The following GMPS variants were observed in gnomAD, a reference collection of about 807,000 sequenced individuals.
The protein encoded by GMPS is GMP synthase [glutamine-hydrolyzing].
A neutral mutation model predicts 77.9 loss-of-function variants in GMPS; 15 were observed. The ratio of observed to expected loss-of-function variants is 0.19; its 90% CI spans 0.13 to 0.30. The LOEUF is 0.30. Ranked by LOEUF, GMPS falls within the 10% of genes least tolerant of loss-of-function variation. The probability of loss-of-function intolerance (pLI) is 1.00; values close to 1 mark genes in which losing one functional copy is unlikely to be tolerated. For synonymous variants in GMPS, 224 were observed against 275.9 expected, an observed-to-expected ratio of 0.81 and a Z score of 1.86; for missense variants, 590 against 838.8, an observed-to-expected ratio of 0.70 and a Z score of 3.66.
intron 5 of GMPS, among the ~76,000 whole-genome samples, chr3:155,908,293 G>A (rs1560044900): frequency 2.0e-5 from 3 of 152,236 alleles, no homozygotes; most frequent in Admixed American, 1.3e-4. Flanking sequence ...ACCCTTTGCA[G>A]GAGGGAGGAG....
rs1052225116 is a variant in GMPS at position 155,916,168 on chromosome 3, G to T, written c.1188G>T (p.Glu396Asp). ...ELIKTHHNDT[E>D]LIRKLREEGK... is the part of the protein sequence containing the mutation. ...TCAAAACCCATCACAATGACACAGA[G>T]CTCATCAGAAAGTTGAGAGAGGAGG... Residue 396 changes from glutamate to aspartate, a missense_variant, in exon 9 of 16, where the codon GAG becomes GAT. This residue lies in a region of GMPS where 64 missense variants were observed against 114.5 expected (regional missense o/e 0.56). Coordinates refer to ENST00000496455, the MANE Select transcript of GMPS (RefSeq NM_003875.3). The T allele has an allele frequency of 7.5e-6, 12 of 1,610,528 alleles. No homozygotes were observed. Among genetic ancestry groups the T allele is most frequent in the Non-Finnish European group, 1.0e-5 (12 of 1,178,858 alleles).
chr3:155,906,356 C>G lies in GMPS; in HGVS notation c.526+93C>G, dbSNP rs1754881982. The G allele has an allele frequency of 8.2e-6, 5 of 610,448 alleles. No individual in the cohort carries two copies. The Admixed American group carries it at 1.2e-4, about 14-fold the overall frequency. 37.8% of individuals were successfully genotyped at this position (610,448 alleles called of 1,614,324 possible). A position where few individuals can be genotyped will look rare whatever the true frequency, so the allele number is the denominator to read the frequency against. ...TGTATGAGGTACTCTTTGATTTTTC[C>G]TTTTTCTTCTGATTTTTCTTCTCTT... is the stretch of plus-strand genomic sequence containing the variant. On this transcript the variant is annotated intron_variant, in intron 5 of 15. Coordinates refer to ENST00000496455, the MANE Select transcript of GMPS (RefSeq NM_003875.3).
chr3:155,899,443 T>G (rs1196526339), intron 3 of GMPS, among the ~76,000 whole-genome samples: 2 of 151,648 alleles, frequency 1.3e-5, no homozygotes, highest in South Asian at 2.1e-4. Context: ...TTTTTTTTTT[T>G]TCAATTACTT....
At chr3:155,929,684 A>C (rs1156806874) in intron 12 of GMPS, among the ~76,000 whole-genome samples, 1 of 126,496 alleles carries the variant, frequency 7.9e-6, no homozygotes, top group South Asian at 3.3e-4. Flanking sequence ...TACAAAATCA[A>C]TGTACAAAAA....
intron 1 of GMPS, among the ~76,000 whole-genome samples, chr3:155,882,985 T>C (rs1754245656): frequency 6.6e-6 from 1 of 152,218 alleles, no homozygotes; most frequent in African/African-American, 2.4e-5. Context: ...GTTTATGAAG[T>C]ACAGAAACAT....
chr3:155,932,724 G>A (rs940563605), intron 13 of GMPS, among the ~76,000 whole-genome samples: 1 of 152,138 alleles, frequency 6.6e-6, no homozygotes, highest in South Asian at 2.1e-4. Context: ...GAAATCAGAA[G>A]CTTACCTTTT....
chr3:155,870,769 G>T lies in GMPS; in HGVS notation c.-102G>T. On this transcript the variant is annotated 5_prime_UTR_variant, in exon 1 of 16. In the 5' UTR this introduces an upstream ATG that the reference lacks. Transcript: ENST00000496455. The stretch of plus-strand genomic sequence containing the variant: ...TCCGCTGCCGGCTGCTCCTCGACCA[G>T]GCCTCCTTCTCAACCTCAGCCCGCG... 1.3e-6 allele frequency: 1 copy of T among 753,610 alleles called. No homozygotes were observed. The highest frequency in any genetic ancestry group is 2.2e-6 in the Non-Finnish European group (1 of 459,350). 46.7% of individuals were successfully genotyped at this position (753,610 alleles called of 1,614,324 possible). A position where few individuals can be genotyped will look rare whatever the true frequency, so the allele number is the denominator to read the frequency against.
intron 4 of GMPS, among the ~76,000 whole-genome samples, chr3:155,905,234 A>G (rs377525852): frequency 1.5e-4 from 23 of 151,980 alleles, no homozygotes; most frequent in African/African-American, 5.1e-4. Context: ...TGAACTCCCG[A>G]TCTCAGGTGA....
At chr3:155,911,301 G>A in intron 7 of GMPS, 22 bp downstream of exon 7, 2 of 1,535,428 alleles carry the variant, frequency 1.3e-6, no homozygotes, top group Admixed American at 4.0e-5. Flanking sequence ...CCTCAGAAAA[G>A]TTAACTTACA....
chr3:155,941,692 G>A lies in GMPS; in HGVS notation c.*4000G>A, dbSNP rs1755896550. ...ATGGGGAACTGAATACAAGTTGGAT[G>A]TCTCCACCCTTGGAAAGCACATCTT... is the stretch of plus-strand genomic sequence containing the variant. On this transcript the variant is annotated 3_prime_UTR_variant, in exon 16 of 16. Transcript: ENST00000496455. 1 of 222,986 alleles carries A rather than the reference G, an allele frequency of 4.5e-6. No individual in the cohort carries two copies. Among genetic ancestry groups the A allele is most frequent in the Non-Finnish European group, 9.0e-6 (1 of 111,676 alleles). 13.8% of individuals were successfully genotyped at this position (222,986 alleles called of 1,614,324 possible). A position where few individuals can be genotyped will look rare whatever the true frequency, so the allele number is the denominator to read the frequency against.
chr3:155,901,862 CTA>C lies in GMPS; in HGVS notation c.325-1993_325-1992del, dbSNP rs1553785391. Among the ~76,000 whole-genome samples the C allele has an allele frequency of 3.3e-5, 5 of 152,154 alleles. No homozygotes were observed. The South Asian group carries it at 6.2e-4, about 19-fold the overall frequency. On this transcript the variant is annotated intron_variant, in intron 3 of 15. Transcript: ENST00000496455. ...ATTCTGGATACTAAACTTTTCCCAACTATATATATTGCAGATACCTTCTGGAT... is the reference window on the plus strand; with the variant it reads ...ATTCTGGATACTAAACTTTTCCCAACTATATATTGCAGATACCTTCTGGAT...
intron 12 of GMPS, among the ~76,000 whole-genome samples, chr3:155,931,025 C>T (rs1188131870): frequency 6.6e-6 from 1 of 151,908 alleles, no homozygotes; most frequent in African/African-American, 2.4e-5. Flanking sequence ...AGGGTGTTGC[C>T]ATGTTGTCCA....
rs1348478178 is a variant in GMPS at position 155,942,790 on chromosome 3, G to T, written c.*5098G>T. On this transcript the variant is annotated 3_prime_UTR_variant, in exon 16 of 16. Transcript: ENST00000496455. Reference sequence around the variant, plus strand: ...ACCGCTCCAATTCTGACTCTAGCTAGGTCATGAAACAGACTGAGCTATTAT... The same window carrying T: ...ACCGCTCCAATTCTGACTCTAGCTATGTCATGAAACAGACTGAGCTATTAT... The T allele has an allele frequency of 2.3e-5, 5 of 221,934 alleles. No homozygotes were observed. Among genetic ancestry groups the T allele is most frequent in the Non-Finnish European group, 3.6e-5 (4 of 111,176 alleles). 13.7% of individuals were successfully genotyped at this position (221,934 alleles called of 1,614,324 possible).
chr3:155,933,235 G>T (rs73012911), intron 13 of GMPS, among the ~76,000 whole-genome samples: 1,659 of 152,146 alleles, frequency 0.011, 41 homozygotes, highest in African/African-American at 0.038. Flanking sequence ...GTGAACTTTA[G>T]ATTTATTTGC....
At position 155,925,313 on chromosome 3, in the gene GMPS, A is replaced by C. The variant is rs774943953; in HGVS notation, c.1507A>C (p.Ser503Arg). 4.3e-6 allele frequency: 7 copies of C among 1,610,992 alleles called. No homozygotes were observed. In the Admixed American group the frequency reaches 1.2e-4, roughly 27 times the overall value. The change falls in exon 12 of 16, where the codon AGT becomes CGT. Residue 503 changes from serine (S) to arginine (R), a missense_variant. Ser to Arg is a moderately radical substitution (Grantham distance 110). Transcript: ENST00000496455. ...TCAGGAGAAGCTGATGCAAATTACC[A>C]GTCTGCATTCACTGAATGCCTTCTT... ...EDQEKLMQIT[S>R]LHSLNAFLLP...
Position 155,874,747 on chromosome 3 carries a change from T to G in GMPS, c.27+3850T>G, listed in dbSNP as rs1053822901. ...GTCTTTTAAGAATTTTTACAAAAAG[T>G]ATAGACTTGTCTTATACTTGTACAA... On this transcript the variant is annotated intron_variant, in intron 1 of 15. Coordinates refer to ENST00000496455, the MANE Select transcript of GMPS (RefSeq NM_003875.3). 1.1e-4 allele frequency among the ~76,000 whole-genome samples: 16 copies of G among 152,270 alleles called. No homozygotes were observed. The East Asian group carries it at 3.1e-3, about 29-fold the overall frequency.
At chr3:155,892,399 A>C (rs1241368157) in intron 1 of GMPS, among the ~76,000 whole-genome samples, 1 of 152,238 alleles carries the variant, frequency 6.6e-6, no homozygotes, top group African/African-American at 2.4e-5. Flanking sequence ...CCCCCAGGAT[A>C]GAAACCAGAC....
Position 155,916,998 on chromosome 3 carries a change from A to T in GMPS, c.1212+806A>T, listed in dbSNP as rs1354962809. Among the ~76,000 whole-genome samples, 8 of 149,630 alleles carry T rather than the reference A, an allele frequency of 5.3e-5. No individual in the cohort carries two copies. In the East Asian group the frequency reaches 1.6e-3, roughly 29 times the overall value. On this transcript the variant is annotated intron_variant, in intron 9 of 15. Coordinates refer to ENST00000496455, the MANE Select transcript of GMPS (RefSeq NM_003875.3). ...TCTGATTTTTTTTTTTTTTTGAGAC[A>T]GAGTCTCACTCTATTGCCCAAGCTG...
intron 4 of GMPS, among the ~76,000 whole-genome samples, chr3:155,905,776 A>G (rs571090374): frequency 1.2e-4 from 18 of 152,328 alleles, no homozygotes; most frequent in African/African-American, 3.8e-4. Context: ...ATTACTACTT[A>G]CATAAGACTA....
Sources: gnomAD v4.1 joint callset for allele counts (sites outside exome capture counted in the v4.1 genomes callset) on GRCh38, gnomAD v4.1.1 for gene constraint, gnomAD v4.1.1 regional missense constraint, MANE v1.5 for transcripts, NCBI Gene and HGNC (gene_info 2026-07-23, HGNC 2026-07-21) for gene names.